The following SMG7 variants were observed in gnomAD, a reference collection of about 807,000 sequenced individuals.
The protein encoded by SMG7 is nonsense-mediated mRNA decay factor SMG7.
SMG7 carries 34 observed loss-of-function variants against 148.2 expected under a neutral mutation model. That is an observed-to-expected ratio of 0.23 (90% CI 0.17 to 0.31). SMG7 has a LOEUF of 0.31. SMG7 is among the 10% of genes least tolerant of loss of function. The pLI is 1.00. For missense variants in SMG7, 1,114 were observed against 1,408.4 expected, an observed-to-expected ratio of 0.79 and a Z score of 3.35; for synonymous variants, 492 against 515.1, an observed-to-expected ratio of 0.96 and a Z score of 0.61.
intron 1 of SMG7, among the ~76,000 whole-genome samples, chr1:183,487,439 A>G (rs945939171): frequency 2.0e-5 from 3 of 152,110 alleles, no homozygotes; most frequent in African/African-American, 7.2e-5. Context: ...AACTAATCAC[A>G]CCTGAAAAAT....
intron 1 of SMG7, among the ~76,000 whole-genome samples, chr1:183,493,635 G>T (rs1439249451): frequency 1.3e-5 from 2 of 152,202 alleles, no homozygotes; most frequent in African/African-American, 4.8e-5. Context: ...AGGCTGGAGT[G>T]CAGTGGCGCA....
At chr1:183,473,992 T>A in intron 1 of SMG7, 5 of 401,154 alleles carry the variant, frequency 1.2e-5, no homozygotes, top group Non-Finnish European at 1.7e-5. Flanking sequence ...AATGATGAGA[T>A]ATTTGAACAA....
chr1:183,543,488 A>G (rs986948099), intron 14 of SMG7, among the ~76,000 whole-genome samples: 15 of 133,638 alleles, frequency 1.1e-4, no homozygotes, highest in Non-Finnish European at 1.2e-4. Flanking sequence ...GAAAGGCAAG[A>G]AAAAAAAAAA....
chr1:183,536,510 A>G (rs564183945), intron 10 of SMG7, among the ~76,000 whole-genome samples: 1 of 152,130 alleles, frequency 6.6e-6, no homozygotes, highest in Non-Finnish European at 1.5e-5. Flanking sequence ...AACATACCTC[A>G]CTCAGGAACC....
chr1:183,515,865 G>T lies in SMG7; in HGVS notation c.62-9G>T, dbSNP rs1354869599. ...TATCTACCGTTATGTTTTTGTTTTT[G>T]TTACTCAGATTCTAAGCTGGGTCCA... On this transcript the variant is annotated splice_polypyrimidine_tract_variant and intron_variant, in intron 2 of 22. Coordinates refer to ENST00000688051, the MANE Select transcript of SMG7 (RefSeq NM_001375584.1). 6.3e-7 allele frequency: 1 copy of T among 1,590,744 alleles called. No homozygotes were observed. Among genetic ancestry groups the T allele is most frequent in the African/African-American group, 1.3e-5 (1 of 74,308 alleles).
chr1:183,542,918 TA>T (rs1179986095), intron 14 of SMG7, among the ~76,000 whole-genome samples: 1 of 109,524 alleles, frequency 9.1e-6, no homozygotes, highest in Non-Finnish European at 1.9e-5. Context: ...TTCACTATAA[TA>T]TATATATATG....
At chr1:183,489,868 A>C (rs534219102) in intron 1 of SMG7, among the ~76,000 whole-genome samples, 3 of 152,320 alleles carry the variant, frequency 2.0e-5, no homozygotes, top group Admixed American at 6.5e-5. Context: ...GGAAAGACTG[A>C]GCAGAAAAGT....
intron 12 of SMG7, among the ~76,000 whole-genome samples, chr1:183,538,845 T>C (rs1668257588): frequency 6.6e-6 from 1 of 152,146 alleles, no homozygotes; most frequent in African/African-American, 2.4e-5. Context: ...TCCCTCTATT[T>C]TCCTACGTTG....
intron 1 of SMG7, among the ~76,000 whole-genome samples, chr1:183,488,806 C>T (rs545077498): frequency 7.1e-4 from 108 of 151,094 alleles, no homozygotes; most frequent in African/African-American, 2.6e-3. Flanking sequence ...GCCTCAGCCT[C>T]CTGAGTAGCT....
At chr1:183,500,634 A>G (rs1251324694) in intron 1 of SMG7, among the ~76,000 whole-genome samples, 3 of 152,176 alleles carry the variant, frequency 2.0e-5, no homozygotes, top group African/African-American at 7.2e-5. Flanking sequence ...CCAATAATAG[A>G]TGTGGGCATT....
At chr1:183,517,618 G>A (rs1323595186) in intron 3 of SMG7, 70 bp from the exon 4 acceptor site, 3 of 1,437,040 alleles carry the variant, frequency 2.1e-6, no homozygotes, top group Non-Finnish European at 2.9e-6. Context: ...GTTCTTTCTT[G>A]TTCTCAGGGG....
intron 1 of SMG7, 42 bp downstream of exon 1, chr1:183,472,691 G>T: frequency 6.9e-7 from 1 of 1,441,410 alleles, no homozygotes. Context: ...GGAGCGGGCC[G>T]CAGGTTGGGG....
chr1:183,497,646 T>TCTGCCTCCCC (rs1159603749), intron 1 of SMG7, among the ~76,000 whole-genome samples: 2 of 152,180 alleles, frequency 1.3e-5, no homozygotes, highest in Non-Finnish European at 2.9e-5. Flanking sequence ...CTTGGCTCAC[T>TCTGCCTCCCC]GCAACCTCTG....
chr1:183,510,406 T>C (rs1197529605), intron 1 of SMG7, among the ~76,000 whole-genome samples: 4 of 152,130 alleles, frequency 2.6e-5, no homozygotes, highest in Non-Finnish European at 5.9e-5. Flanking sequence ...TGCAAATATG[T>C]ATTTTTTTTT....
At chr1:183,521,832 C>G (rs1364187696) in intron 4 of SMG7, among the ~76,000 whole-genome samples, 1 of 145,424 alleles carries the variant, frequency 6.9e-6, no homozygotes, top group African/African-American at 2.6e-5. Context: ...CGCCACCTGC[C>G]TGGGTGACAG....
At chr1:183,477,398 T>TTGTG (rs143157038) in intron 1 of SMG7, among the ~76,000 whole-genome samples, 2,715 of 133,170 alleles carry the variant, frequency 0.02, 74 homozygotes, top group Non-Finnish European at 0.03. Flanking sequence ...CTGTTTTGTT[T>TTGTG]TGTGTGTGTG....
intron 1 of SMG7, among the ~76,000 whole-genome samples, chr1:183,505,206 T>A (rs1660632605): frequency 6.6e-6 from 1 of 152,034 alleles, no homozygotes; most frequent in African/African-American, 2.4e-5. Context: ...CGTAAACTTC[T>A]CCCTCTTATT....
At position 183,544,977 on chromosome 1, in the gene SMG7, A is replaced by T. The variant is rs34801227; in HGVS notation, c.2035A>T (p.Met679Leu). ...TATCCCCCCGCCTGTGGCATTTTCT[A>T]TGGGCTCAGGTTACACCTTCCCAGC... The part of the protein sequence containing the change: ...YVIPPPVAFS[M>L]GSGYTFPAGV... The change falls in exon 16 of 23, where the codon ATG becomes TTG. Residue 679 changes from methionine to leucine, a missense_variant. Physicochemically the swap from Met to Leu is conservative, Grantham distance 15. Around this residue, in one of 4 missense-constraint regions of SMG7, gnomAD observed 788 missense variants for 894.5 expected, o/e 0.88. Transcript: ENST00000688051. 6.2e-7 allele frequency: 1 copy of T among 1,613,324 alleles called. No homozygotes were observed. Among genetic ancestry groups the T allele is most frequent in the Admixed American group, 1.7e-5 (1 of 59,978 alleles).
intron 1 of SMG7, among the ~76,000 whole-genome samples, chr1:183,493,680 C>A (rs959241276): frequency 6.6e-6 from 1 of 152,138 alleles, no homozygotes; most frequent in Non-Finnish European, 1.5e-5. Flanking sequence ...CGCCCATGTT[C>A]AAGTGATTCT....
Sources: allele counts gnomAD v4.1 joint callset (sites outside exome capture counted in the v4.1 genomes callset), GRCh38; gene constraint gnomAD v4.1.1; regional missense constraint gnomAD v4.1.1; transcripts MANE v1.5; gene names NCBI Gene and HGNC (gene_info 2026-07-23, HGNC 2026-07-21).